Variants in UVRAG observed in about 807,000 individuals in gnomAD.
UVRAG encodes UV radiation resistance-associated gene protein.
Under a neutral mutation model 78.0 loss-of-function variants are expected in UVRAG, and 19 were observed. The observed-to-expected ratio is 0.24, with a 90% CI of 0.17 to 0.36. The LOEUF is 0.36. UVRAG is among the 10% of genes least tolerant of loss of function. The probability of loss-of-function intolerance (pLI) is 1.00; values close to 1 mark genes in which losing one functional copy is unlikely to be tolerated. For missense variants in UVRAG, 740 were observed against 853.8 expected, an observed-to-expected ratio of 0.87 and a Z score of 1.66; for synonymous variants, 323 against 324.6, an observed-to-expected ratio of 1.00 and a Z score of 0.05.
At chr11:76,029,367 C>T (rs1950393162) in intron 12 of UVRAG, among the ~76,000 whole-genome samples, 1 of 152,150 alleles carries the variant, frequency 6.6e-6, no homozygotes, top group Non-Finnish European at 1.5e-5. Context: ...AAACACATTT[C>T]ATCACATTTC....
intron 2 of UVRAG, among the ~76,000 whole-genome samples, chr11:75,860,549 T>TAC (rs1305947529): frequency 1.3e-5 from 2 of 152,236 alleles, no homozygotes; most frequent in Non-Finnish European, 2.9e-5. Flanking sequence ...TGTTAGGATA[T>TAC]ATGTATATGT....
At chr11:75,886,374 A>ATTTT (rs1187580478) in intron 4 of UVRAG, among the ~76,000 whole-genome samples, 1 of 152,194 alleles carries the variant, frequency 6.6e-6, no homozygotes, top group African/African-American at 2.4e-5. Flanking sequence ...AGCACAGAAA[A>ATTTT]GAGAATAAAA....
chr11:75,949,004 T>C (rs141357292), intron 6 of UVRAG, among the ~76,000 whole-genome samples: 257 of 152,248 alleles, frequency 1.7e-3, no homozygotes, highest in African/African-American at 5.7e-3. Flanking sequence ...AGAACAGGGA[T>C]TCTTTGGTAC....
chr11:75,890,438 G>A (rs917090646), intron 5 of UVRAG, among the ~76,000 whole-genome samples: 2 of 152,160 alleles, frequency 1.3e-5, no homozygotes, highest in Admixed American at 6.5e-5. Context: ...TGAATTTAAG[G>A]CATAAGAAAA....
At chr11:75,923,305 C>A (rs945129928) in intron 6 of UVRAG, among the ~76,000 whole-genome samples, 3 of 151,814 alleles carry the variant, frequency 2.0e-5, no homozygotes, top group Non-Finnish European at 4.4e-5. Context: ...ATAGGTTATT[C>A]TTTTGATCAT....
chr11:76,116,060 G>A (rs777864329), intron 14 of UVRAG, 45 bp downstream of exon 14: 5 of 1,572,230 alleles, frequency 3.2e-6, no homozygotes, highest in Admixed American at 1.7e-5. Flanking sequence ...AATGTGGATA[G>A]GATCCTGAAA....
chr11:75,923,272 C>T (rs1226988659), intron 6 of UVRAG, among the ~76,000 whole-genome samples: 2 of 151,524 alleles, frequency 1.3e-5, no homozygotes, highest in Non-Finnish European at 2.9e-5. Flanking sequence ...GTGGATTTCC[C>T]AGTGTTGTAT....
intron 7 of UVRAG, among the ~76,000 whole-genome samples, chr11:75,977,694 C>G (rs1455194544): frequency 6.6e-6 from 1 of 151,998 alleles, no homozygotes; most frequent in Admixed American, 6.6e-5. Flanking sequence ...GGATTGCAAC[C>G]CCTGCTTTTT....
chr11:75,847,776 T>C (rs949938916), intron 1 of UVRAG, among the ~76,000 whole-genome samples: 5 of 151,612 alleles, frequency 3.3e-5, no homozygotes, highest in African/African-American at 7.3e-5. Flanking sequence ...ATCGAGACCA[T>C]CCTGGCCAAC....
intron 13 of UVRAG, among the ~76,000 whole-genome samples, chr11:76,110,470 T>C (rs1018500304): frequency 3.3e-5 from 5 of 152,180 alleles, no homozygotes; most frequent in Non-Finnish European, 7.3e-5. Flanking sequence ...AAGCCTATCC[T>C]ACTGTGTCGT....
At chr11:75,977,148 GGTT>G (rs1949261291) in intron 7 of UVRAG, among the ~76,000 whole-genome samples, 1 of 152,128 alleles carries the variant, frequency 6.6e-6, no homozygotes, top group South Asian at 2.1e-4. Context: ...TTCAGGAGCA[GGTT>G]GTTCAGTTTC....
intron 5 of UVRAG, among the ~76,000 whole-genome samples, chr11:75,901,495 C>G (rs1348242199): frequency 6.6e-6 from 1 of 152,042 alleles, no homozygotes; most frequent in Non-Finnish European, 1.5e-5. Context: ...TCTCCATAGC[C>G]CAAACTGAGC....
At chr11:75,941,514 C>T (rs147396433) in intron 6 of UVRAG, among the ~76,000 whole-genome samples, 1,892 of 152,090 alleles carry the variant, frequency 0.012, 19 homozygotes, top group Non-Finnish European at 0.018. Flanking sequence ...ACTGGTTGAG[C>T]GTCTGAAATC....
At chr11:75,972,916 G>T (rs1052754864) in intron 7 of UVRAG, among the ~76,000 whole-genome samples, 2 of 152,020 alleles carry the variant, frequency 1.3e-5, no homozygotes, top group Non-Finnish European at 2.9e-5. Context: ...TTCTAGGAGG[G>T]TGTTTTTTTG....
chr11:76,136,709 G>A (rs1264589420), intron 14 of UVRAG, among the ~76,000 whole-genome samples: 1 of 151,934 alleles, frequency 6.6e-6, no homozygotes, highest in Non-Finnish European at 1.5e-5. Context: ...TGTGGCCCAG[G>A]CTGGTCCCAA....
chr11:75,981,969 G>T (rs1949404558), intron 7 of UVRAG, among the ~76,000 whole-genome samples: 1 of 151,610 alleles, frequency 6.6e-6, no homozygotes, highest in African/African-American at 2.4e-5. Flanking sequence ...TGCTATTGAA[G>T]CATTTTTATG....
chr11:76,033,328 A>G (rs1950471616), intron 12 of UVRAG, among the ~76,000 whole-genome samples: 1 of 152,220 alleles, frequency 6.6e-6, no homozygotes. Context: ...ACCTTTGCAT[A>G]TAATAGTCAC....
intron 13 of UVRAG, among the ~76,000 whole-genome samples, chr11:76,092,473 A>T (rs529533474): frequency 6.6e-6 from 1 of 152,088 alleles, no homozygotes; most frequent in Non-Finnish European, 1.5e-5. Flanking sequence ...AAGCATTCCT[A>T]TTTCTCCACA....
chr11:76,117,510 T>TA (rs1177754644), intron 14 of UVRAG, among the ~76,000 whole-genome samples: 1 of 152,248 alleles, frequency 6.6e-6, no homozygotes, highest in African/African-American at 2.4e-5. Flanking sequence ...ATGTAATTTC[T>TA]AAAAGTGTTG....
Sources: gnomAD v4.1 joint callset for allele counts (sites outside exome capture counted in the v4.1 genomes callset) on GRCh38, gnomAD v4.1.1 for gene constraint, MANE v1.5 for transcripts, NCBI Gene and HGNC (gene_info 2026-07-23, HGNC 2026-07-21) for gene names.